The following PDCD6IP variants were observed in gnomAD, a reference collection of about 807,000 sequenced individuals.
The protein encoded by PDCD6IP is programmed cell death 6-interacting protein.
Under a neutral mutation model 103.7 loss-of-function variants are expected in PDCD6IP, and 43 were observed. That is an observed-to-expected ratio of 0.41 (90% confidence interval 0.32 to 0.53). The LOEUF is 0.53. Ranked by LOEUF, PDCD6IP falls within the 20% of genes least tolerant of loss-of-function variation. The probability of loss-of-function intolerance (pLI) is 0.16; values close to 1 mark genes in which losing one functional copy is unlikely to be tolerated. For synonymous variants in PDCD6IP, 354 were observed against 378.7 expected (o/e 0.93, Z 0.76); for missense variants, 871 against 1,036.7 (o/e 0.84, Z 2.20).
chr3:33,817,856 A>G (rs1455174616), intron 3 of PDCD6IP, among the ~76,000 whole-genome samples: 2 of 152,040 alleles, frequency 1.3e-5, no homozygotes, highest in African/African-American at 4.8e-5. Flanking sequence ...AGGAAAATTA[A>G]ATATTGTTTT....
At position 33,850,472 on chromosome 3, in the gene PDCD6IP, C is replaced by T. The variant is rs529796280; in HGVS notation, c.1642-2016C>T. On this transcript the variant is annotated intron_variant, in intron 12 of 17. Coordinates refer to ENST00000307296, the MANE Select transcript of PDCD6IP (RefSeq NM_013374.6). Reference sequence around the variant, plus strand: ...TATACTTGCTGTAAGTAACCATATTCGTTAGTTTCTGGTTTGTCCTTACTG... The same window carrying T: ...TATACTTGCTGTAAGTAACCATATTTGTTAGTTTCTGGTTTGTCCTTACTG... 2.0e-5 allele frequency among the ~76,000 whole-genome samples: 3 copies of T among 152,046 alleles called. No individual in the cohort carries two copies. In the East Asian group the frequency reaches 5.8e-4, roughly 29 times the overall value.
chr3:33,833,160 T>TA (rs1376162446), intron 7 of PDCD6IP, among the ~76,000 whole-genome samples: 1 of 152,100 alleles, frequency 6.6e-6, no homozygotes, highest in Non-Finnish European at 1.5e-5. Context: ...AACAAAAATT[T>TA]AAAAAATTAA....
intron 2 of PDCD6IP, 99 bp from the exon 3 acceptor site, chr3:33,813,460 G>A: frequency 1.4e-6 from 1 of 733,256 alleles, no homozygotes; most frequent in Non-Finnish European, 2.3e-6. Flanking sequence ...TTGAGCTTTT[G>A]TCCTTTTTTT....
chr3:33,844,511 C>T (rs537673416), intron 11 of PDCD6IP, among the ~76,000 whole-genome samples: 8 of 152,172 alleles, frequency 5.3e-5, no homozygotes, highest in East Asian at 1.9e-4. Flanking sequence ...GACAAGGTCT[C>T]GCTGTGTCAC....
chr3:33,823,438 A>C (rs1039719541), intron 4 of PDCD6IP, among the ~76,000 whole-genome samples: 1 of 152,214 alleles, frequency 6.6e-6, no homozygotes, highest in Non-Finnish European at 1.5e-5. Flanking sequence ...TAGATGACAA[A>C]CATAATGCAT....
At chr3:33,829,222 A>G (rs1700271466) in intron 7 of PDCD6IP, among the ~76,000 whole-genome samples, 1 of 152,104 alleles carries the variant, frequency 6.6e-6, no homozygotes. Flanking sequence ...AAATAATTCT[A>G]AATTAATTGC....
intron 7 of PDCD6IP, chr3:33,835,228 C>T (rs915866592): frequency 6.6e-6 from 3 of 456,350 alleles, no homozygotes; most frequent in Non-Finnish European, 1.3e-5. Context: ...TGTTCACTTC[C>T]TGTGTTGTTG....
At chr3:33,811,377 A>C (rs1696714472) in intron 1 of PDCD6IP, among the ~76,000 whole-genome samples, 2 of 152,210 alleles carry the variant, frequency 1.3e-5, no homozygotes, top group African/African-American at 4.8e-5. Context: ...AATACCCCTG[A>C]TGAAGGGGTG....
chr3:33,810,146 A>G (rs893576669), intron 1 of PDCD6IP, among the ~76,000 whole-genome samples: 1 of 152,152 alleles, frequency 6.6e-6, no homozygotes, highest in Admixed American at 6.5e-5. Flanking sequence ...GATGAATCTT[A>G]CCAGAATTAG....
intron 12 of PDCD6IP, among the ~76,000 whole-genome samples, chr3:33,847,891 A>C (rs1697627801): frequency 6.6e-6 from 1 of 152,166 alleles, no homozygotes. Context: ...GTCTAGCCAG[A>C]GGAAGGAACA....
At chr3:33,828,292 C>A (rs531968975) in intron 6 of PDCD6IP, among the ~76,000 whole-genome samples, 1 of 152,160 alleles carries the variant, frequency 6.6e-6, no homozygotes, top group South Asian at 2.1e-4. Flanking sequence ...GATACTAAAT[C>A]ATTTTTATAT....
chr3:33,817,932 T>A (rs1034658341), intron 3 of PDCD6IP, among the ~76,000 whole-genome samples: 1 of 152,006 alleles, frequency 6.6e-6, no homozygotes, highest in African/African-American at 2.4e-5. Context: ...ATAGCTCTTA[T>A]ATGTAAAATC....
chr3:33,860,124 A>T (rs1202898558), intron 15 of PDCD6IP, among the ~76,000 whole-genome samples: 1 of 152,228 alleles, frequency 6.6e-6, no homozygotes, highest in Admixed American at 6.5e-5. Flanking sequence ...GTTTACGCAC[A>T]AGGAAGCTCT....
chr3:33,827,205 A>G, intron 6 of PDCD6IP: 1 of 979,284 alleles, frequency 1.0e-6, no homozygotes, highest in Non-Finnish European at 1.2e-6. Flanking sequence ...ATCATTTGTT[A>G]ATGACAAAGC....
intron 13 of PDCD6IP, 141 bp from the exon 14 acceptor site, chr3:33,853,738 G>A (rs1207318594): frequency 1.1e-5 from 8 of 721,810 alleles, no homozygotes; most frequent in Non-Finnish European, 1.2e-5. Context: ...GGCTTCAAAA[G>A]AGTGTACTAG....
rs559982217 is a variant in PDCD6IP at position 33,859,041 on chromosome 3, A to G, written c.2120+3781A>G. Among the ~76,000 whole-genome samples, 4 of 152,362 alleles carry G rather than the reference A, an allele frequency of 2.6e-5. No homozygotes were observed. The South Asian group carries it at 6.2e-4, about 24-fold the overall frequency. ...CTAGTTCTACCAGATATTAAGGTAT[A>G]TAATACCATATTTAATTAAAACACA... On this transcript the variant is annotated intron_variant, in intron 15 of 17. Coordinates refer to ENST00000307296, the MANE Select transcript of PDCD6IP (RefSeq NM_013374.6).
At chr3:33,833,102 G>A (rs1697276130) in intron 7 of PDCD6IP, among the ~76,000 whole-genome samples, 1 of 151,870 alleles carries the variant, frequency 6.6e-6, no homozygotes, top group Admixed American at 6.6e-5. Flanking sequence ...TCATTCTTAA[G>A]TTTTTTAGCC....
At chr3:33,843,021 G>T (rs191135984) in intron 10 of PDCD6IP, among the ~76,000 whole-genome samples, 2,474 of 152,228 alleles carry the variant, frequency 0.016, 30 homozygotes, top group Non-Finnish European at 0.027. Context: ...AACTTAAGAG[G>T]TTTTTTCCTT....
At chr3:33,831,127 C>T (rs1441029711) in intron 7 of PDCD6IP, among the ~76,000 whole-genome samples, 2 of 152,044 alleles carry the variant, frequency 1.3e-5, no homozygotes. Context: ...TCATGAGTTG[C>T]ACTTCTTGAA....
Sources: gnomAD v4.1 joint callset for allele counts (sites outside exome capture counted in the v4.1 genomes callset) on GRCh38, gnomAD v4.1.1 for gene constraint, MANE v1.5 for transcripts, NCBI Gene and HGNC (gene_info 2026-07-23, HGNC 2026-07-21) for gene names.